LMCD1: variants seen among roughly 807,000 people sequenced by gnomAD.
LMCD1 encodes the protein LIM and cysteine rich domains 1.
In LMCD1, 32 loss-of-function variants were observed where a neutral mutation model predicts 42.7. The observed-to-expected ratio is 0.75, with a 90% CI of 0.57 to 1.01. The LOEUF is 1.01. Ranked by LOEUF, LMCD1 falls within the 50% of genes least tolerant of loss-of-function variation. LMCD1 has a pLI of 0.00. For missense variants in LMCD1, 458 were observed against 483.1 expected, an observed-to-expected ratio of 0.95 and a Z score of 0.49; for synonymous variants, 178 against 184.9, an observed-to-expected ratio of 0.96 and a Z score of 0.30.
intron 1 of LMCD1, among the ~76,000 whole-genome samples, chr3:8,523,431 G>T (rs576602192): frequency 6.6e-6 from 1 of 152,334 alleles, no homozygotes; most frequent in South Asian, 2.1e-4. Flanking sequence ...TGTAAACGAG[G>T]TCTTTGTTGC....
chr3:8,561,936 G>A (rs1695044798), intron 4 of LMCD1, among the ~76,000 whole-genome samples: 1 of 152,204 alleles, frequency 6.6e-6, no homozygotes, highest in African/African-American at 2.4e-5. Flanking sequence ...GATTGAGAAT[G>A]TCAAGTTCCC....
At chr3:8,518,298 C>T (rs1014035347) in intron 1 of LMCD1, among the ~76,000 whole-genome samples, 17 of 152,334 alleles carry the variant, frequency 1.1e-4, no homozygotes, top group African/African-American at 4.1e-4. Flanking sequence ...TGAGTTTTCA[C>T]GATTTCCCAG....
chr3:8,535,439 T>C (rs146829706), intron 2 of LMCD1, among the ~76,000 whole-genome samples: 79 of 152,340 alleles, frequency 5.2e-4, no homozygotes, highest in African/African-American at 1.8e-3. Context: ...ATCTCTCAAA[T>C]TGCAGCCCAC....
At chr3:8,566,625 ATACT>A (rs1023169662) in intron 5 of LMCD1, among the ~76,000 whole-genome samples, 1 of 152,228 alleles carries the variant, frequency 6.6e-6, no homozygotes, top group African/African-American at 2.4e-5. Context: ...AATTTGCTAC[ATACT>A]TTACGTACAA....
chr3:8,565,598 G>A lies in LMCD1; in HGVS notation c.890G>A (p.Gly297Asp). Residue 297 changes from glycine to aspartate, a missense_variant, in exon 5 of 6, where the codon GGC (glycine) becomes GAC (aspartate). Coordinates refer to ENST00000157600, the MANE Select transcript of LMCD1 (RefSeq NM_014583.4). ...YFWKDGAPWC[G>D]RHYCESLRPR... ...TGGAAGGATGGTGCACCCTGGTGCG[G>A]CCGCCATTACTGCGAGAGTCTGCGG... 1.2e-6 allele frequency: 2 copies of A among 1,608,808 alleles called. No homozygotes were observed. Among genetic ancestry groups the A allele is most frequent in the Admixed American group, 1.7e-5 (1 of 59,082 alleles).
At chr3:8,558,471 T>G (rs929719727) in intron 4 of LMCD1, among the ~76,000 whole-genome samples, 1 of 152,258 alleles carries the variant, frequency 6.6e-6, no homozygotes, top group Non-Finnish European at 1.5e-5. Context: ...CTGAAAGGTT[T>G]GTTTCACACA....
intron 1 of LMCD1, among the ~76,000 whole-genome samples, chr3:8,526,079 T>C (rs1694294356): frequency 6.6e-6 from 1 of 152,196 alleles, no homozygotes; most frequent in Non-Finnish European, 1.5e-5. Flanking sequence ...GCATTTGAGC[T>C]AGATCCCAGG....
intron 3 of LMCD1, among the ~76,000 whole-genome samples, chr3:8,540,118 A>C (rs1011549394): frequency 6.6e-6 from 1 of 152,088 alleles, no homozygotes; most frequent in African/African-American, 2.4e-5. Context: ...ATTCTGAGCA[A>C]ATTATCGCAA....
At chr3:8,538,009 C>A (rs1206093392) in intron 3 of LMCD1, among the ~76,000 whole-genome samples, 4 of 152,140 alleles carry the variant, frequency 2.6e-5, no homozygotes, top group African/African-American at 7.2e-5. Context: ...CCAGAGAGAG[C>A]AAGTGACTCA....
chr3:8,556,644 A>G (rs60374759), intron 4 of LMCD1, among the ~76,000 whole-genome samples: 41,662 of 152,016 alleles, frequency 0.27, 6,236 homozygotes, highest in African/African-American at 0.4. Context: ...CCCCGGGCAA[A>G]GCCGTTGCAA....
chr3:8,537,381 G>T lies in LMCD1; in HGVS notation c.328G>T (p.Asp110Tyr). 6.2e-7 allele frequency: 1 copy of T among 1,611,334 alleles called. No homozygotes were observed. The highest frequency in any genetic ancestry group is 1.1e-5 in the South Asian group (1 of 90,978). ...GACCAACCCTATTGCTACTGGGAAA[G>T]ATCCCACTTTTGACACCATCACCTA... is the stretch of plus-strand genomic sequence containing the variant. ...IMTNPIATGK[D>Y]PTFDTITYEW... Residue 110 changes from aspartate (D) to tyrosine (Y), a missense_variant, in exon 3 of 6, where the codon GAT (aspartate) becomes TAT (tyrosine). Transcript: ENST00000157600.
chr3:8,550,813 T>C (rs559659289), intron 4 of LMCD1: 3 of 985,252 alleles, frequency 3.0e-6, no homozygotes, highest in Non-Finnish European at 3.6e-6. Flanking sequence ...TAATTCTAAG[T>C]TGGAAGGAGA....
chr3:8,567,545 G>A lies in LMCD1; in HGVS notation c.1045G>A (p.Val349Ile), dbSNP rs375120817. 68 of 1,613,524 alleles carry A rather than the reference G, an allele frequency of 4.2e-5. No individual in the cohort carries two copies. Among genetic ancestry groups the A allele is most frequent in the South Asian group, 1.1e-4 (10 of 91,030 alleles). ...EQLLSGRAYI[V>I]TKGQLLCPTC... ...GCTGCTGAGCGGCCGGGCGTACATC[G>A]TCACCAAGGGTCAGCTTCTGTGCCC... is the stretch of plus-strand genomic sequence containing the variant. The change falls in exon 6 of 6, where the codon GTC becomes ATC. Residue 349 changes from valine to isoleucine, a missense_variant. Coordinates refer to ENST00000157600, the MANE Select transcript of LMCD1 (RefSeq NM_014583.4).
At chr3:8,522,809 TTTAAAAA>T (rs143117639) in intron 1 of LMCD1, among the ~76,000 whole-genome samples, 4,259 of 152,260 alleles carry the variant, frequency 0.028, 104 homozygotes, top group African/African-American at 0.067. Context: ...TTAATTAATT[TTTAAAAA>T]TTAAAAATTA....
In LMCD1 at chr3:8,502,316, A is replaced by AT. The variant is rs2125005583; in HGVS notation, c.42+337dup. ...ATATATTATATATAATATATAAAATATATATTATATATAATATATATTATA... is the reference window on the plus strand; with the variant it reads ...ATATATTATATATAATATATAAAATATTATATTATATATAATATATATTATA... On this transcript the variant is annotated intron_variant, in intron 1 of 5. Transcript: ENST00000157600. Among the ~76,000 whole-genome samples the AT allele has an allele frequency of 1.9e-4, 8 of 42,028 alleles. 2 individuals carry two copies. The highest frequency in any genetic ancestry group is 9.1e-4 in the Admixed American group (2 of 2,194). 27.6% of individuals were successfully genotyped at this position (42,028 alleles called of 152,430 possible).
chr3:8,504,931 C>T (rs988037200), intron 1 of LMCD1, among the ~76,000 whole-genome samples: 8 of 152,176 alleles, frequency 5.3e-5, no homozygotes, highest in Non-Finnish European at 1.0e-4. Context: ...AGTCCCAGCT[C>T]CCCCACTTAC....
At chr3:8,550,025 T>G in intron 4 of LMCD1, 1 of 1,512,110 alleles carries the variant, frequency 6.6e-7, no homozygotes, top group Non-Finnish European at 8.8e-7. Context: ...TCAACCTGAG[T>G]GTTTGGAGGG....
chr3:8,506,001 T>C (rs1693872849), intron 1 of LMCD1, among the ~76,000 whole-genome samples: 1 of 152,248 alleles, frequency 6.6e-6, no homozygotes, highest in African/African-American at 2.4e-5. Flanking sequence ...AGCAACTTTT[T>C]TGCCATAATA....
chr3:8,506,951 A>T (rs756588278), intron 1 of LMCD1, among the ~76,000 whole-genome samples: 13 of 152,226 alleles, frequency 8.5e-5, no homozygotes, highest in Admixed American at 4.6e-4. Flanking sequence ...CGTTCCACTG[A>T]AAGCGGAATT....
Sources: gnomAD v4.1 joint callset for allele counts (sites outside exome capture counted in the v4.1 genomes callset) on GRCh38, gnomAD v4.1.1 for gene constraint, MANE v1.5 for transcripts, NCBI Gene and HGNC (gene_info 2026-07-23, HGNC 2026-07-21) for gene names.